DLGAP1: variants seen among roughly 807,000 people sequenced by gnomAD.
DLGAP1 encodes disks large-associated protein 1.
Under a neutral mutation model 90.8 loss-of-function variants are expected in DLGAP1, and 11 were observed. The observed-to-expected ratio is 0.12, with a 90% confidence interval of 0.08 to 0.20. The LOEUF (loss-of-function observed/expected upper bound fraction) is 0.20, where lower values mean the gene tolerates loss of function less well. Ranked by LOEUF, DLGAP1 falls within the 10% of genes least tolerant of loss-of-function variation. The pLI is 1.00. For missense variants in DLGAP1, 1,050 were observed against 1,333.8 expected, an observed-to-expected ratio of 0.79 and a Z score of 3.31; for synonymous variants, 558 against 540.7, an observed-to-expected ratio of 1.03 and a Z score of -0.44.
intron 3 of DLGAP1, among the ~76,000 whole-genome samples, chr18:3,943,741 G>A (rs1599196381): frequency 6.6e-6 from 1 of 152,116 alleles, no homozygotes; most frequent in Non-Finnish European, 1.5e-5. Flanking sequence ...CTAACCCCCA[G>A]TGTCTCGGAA....
chr18:3,803,770 A>G (rs1008216530), intron 5 of DLGAP1, among the ~76,000 whole-genome samples: 7 of 152,104 alleles, frequency 4.6e-5, no homozygotes, highest in Non-Finnish European at 1.0e-4. Context: ...TTGGTGTATC[A>G]GTAAAGTGTT....
intron 7 of DLGAP1, among the ~76,000 whole-genome samples, chr18:3,598,912 A>G (rs944687439): frequency 1.3e-5 from 2 of 151,994 alleles, no homozygotes; most frequent in Admixed American, 1.3e-4. Flanking sequence ...ACCTGAGACT[A>G]CAGGCGGGCG....
At chr18:3,733,736 C>T (rs1027029526) in intron 6 of DLGAP1, among the ~76,000 whole-genome samples, 3 of 152,082 alleles carry the variant, frequency 2.0e-5, no homozygotes, top group Admixed American at 6.6e-5. Flanking sequence ...ATATTTCCTG[C>T]GTTCATCCAT....
intron 10 of DLGAP1, among the ~76,000 whole-genome samples, chr18:3,523,245 T>C (rs973340459): frequency 6.6e-6 from 1 of 151,522 alleles, no homozygotes; most frequent in Non-Finnish European, 1.5e-5. Context: ...GGCATGGTGG[T>C]GCATGCCTGT....
intron 1 of DLGAP1, among the ~76,000 whole-genome samples, chr18:4,449,061 G>A (rs771320007): frequency 9.2e-5 from 14 of 152,070 alleles, no homozygotes; most frequent in Non-Finnish European, 8.8e-5. Context: ...AGGCATATAC[G>A]CAGAAAATGA....
chr18:4,302,906 GAGTTTCC>G, intron 1 of DLGAP1, among the ~76,000 whole-genome samples: 1 of 152,060 alleles, frequency 6.6e-6, no homozygotes, highest in South Asian at 2.1e-4. Flanking sequence ...TAATATTTTA[GAGTTTCC>G]AGTGTTTATT....
chr18:3,702,202 C>A (rs2061304264), intron 7 of DLGAP1, among the ~76,000 whole-genome samples: 1 of 152,118 alleles, frequency 6.6e-6, no homozygotes, highest in Non-Finnish European at 1.5e-5. Context: ...CAGGCGTCTG[C>A]CACCACGCCC....
At chr18:3,942,969 GT>G (rs200971152) in intron 3 of DLGAP1, among the ~76,000 whole-genome samples, 20 of 146,574 alleles carry the variant, frequency 1.4e-4, no homozygotes, top group South Asian at 2.2e-4. Flanking sequence ...CAACATTTTT[GT>G]TTTTTTTTTT....
intron 3 of DLGAP1, chr18:3,977,712 C>T: frequency 1.2e-5 from 4 of 322,830 alleles, no homozygotes; most frequent in South Asian, 1.2e-4. Flanking sequence ...CATTCTCATA[C>T]CAGGAAATAA....
intron 2 of DLGAP1, among the ~76,000 whole-genome samples, chr18:4,142,885 T>G (rs926219117): frequency 1.3e-5 from 2 of 152,172 alleles, no homozygotes; most frequent in Non-Finnish European, 2.9e-5. Flanking sequence ...GCTGCCTTGG[T>G]GGTCTCGGAG....
intron 12 of DLGAP1, among the ~76,000 whole-genome samples, chr18:3,501,221 A>G (rs916529340): frequency 8.7e-6 from 1 of 115,024 alleles, no homozygotes; most frequent in Non-Finnish European, 1.8e-5. Flanking sequence ...CCCAGCCAAC[A>G]ATGATTATTT....
chr18:4,393,771 CG>C (rs774845346), intron 1 of DLGAP1, among the ~76,000 whole-genome samples: 4 of 152,190 alleles, frequency 2.6e-5, no homozygotes, highest in South Asian at 4.2e-4. Flanking sequence ...TTCCACAGAC[CG>C]GGGGCAGGGG....
intron 5 of DLGAP1, among the ~76,000 whole-genome samples, chr18:3,772,594 A>C (rs555992344): frequency 1.5e-4 from 22 of 151,006 alleles, no homozygotes; most frequent in African/African-American, 5.4e-4. Flanking sequence ...AGGCTTTGTG[A>C]ATTTTACATT....
intron 1 of DLGAP1, among the ~76,000 whole-genome samples, chr18:4,208,256 T>TTGG (rs2077762067): frequency 6.6e-6 from 1 of 152,236 alleles, no homozygotes; most frequent in Admixed American, 6.5e-5. Flanking sequence ...TTGGAACATC[T>TTGG]AAAATAATTT....
chr18:4,162,803 A>C (rs76238317), intron 1 of DLGAP1, among the ~76,000 whole-genome samples: 58 of 152,290 alleles, frequency 3.8e-4, no homozygotes, highest in Non-Finnish European at 5.7e-4. Flanking sequence ...AAAGCTATTC[A>C]ATAATGGAAA....
intron 2 of DLGAP1, among the ~76,000 whole-genome samples, chr18:4,027,722 A>G (rs2074727126): frequency 6.6e-6 from 1 of 152,078 alleles, no homozygotes; most frequent in South Asian, 2.1e-4. Flanking sequence ...ACTGTAATTT[A>G]TTTGAGATCA....
intron 4 of DLGAP1, chr18:3,874,684 A>G: frequency 1.3e-6 from 2 of 1,535,348 alleles, no homozygotes; most frequent in Non-Finnish European, 1.7e-6. Flanking sequence ...AGAATTAAAC[A>G]GTTTTAATGT....
chr18:3,600,749 TATATATAG>T lies in DLGAP1; in HGVS notation c.1592-18509_1592-18502del, dbSNP rs1568277676. Among the ~76,000 whole-genome samples, 7 of 12,930 alleles carry T rather than the reference TATATATAG, an allele frequency of 5.4e-4. 2 individuals carry two copies. The highest frequency in any genetic ancestry group is 6.8e-4 in the Non-Finnish European group (4 of 5,842). 8.5% of individuals were successfully genotyped at this position (12,930 alleles called of 152,430 possible). A position where few individuals can be genotyped will look rare whatever the true frequency, so the allele number is the denominator to read the frequency against. ...ATATAGATATATATAGATATATAGA[TATATATAG>T]ATATATAGATATATATAGATATATA... On this transcript the variant is annotated intron_variant, in intron 7 of 12. Transcript: ENST00000315677.
At chr18:4,162,680 T>C (rs2076866641) in intron 1 of DLGAP1, among the ~76,000 whole-genome samples, 1 of 152,150 alleles carries the variant, frequency 6.6e-6, no homozygotes, top group South Asian at 2.1e-4. Context: ...TGCCTCTAAG[T>C]CAACATATAT....
Sources: gnomAD v4.1 joint callset for allele counts (sites outside exome capture counted in the v4.1 genomes callset) on GRCh38, gnomAD v4.1.1 for gene constraint, MANE v1.5 for transcripts, NCBI Gene and HGNC (gene_info 2026-07-23, HGNC 2026-07-21) for gene names.